The following GPATCH2 variants were observed in gnomAD, a reference collection of about 807,000 sequenced individuals.
The protein encoded by GPATCH2 is G patch domain-containing protein 2.
A neutral mutation model predicts 58.0 loss-of-function variants in GPATCH2; 51 were observed. The ratio of observed to expected loss-of-function variants is 0.88; its 90% CI spans 0.70 to 1.11. The LOEUF (loss-of-function observed/expected upper bound fraction) is 1.11. Among genes scored for constraint, GPATCH2 ranks in the 50% most tolerant of loss-of-function variants. GPATCH2 has a pLI of 0.00. For missense variants in GPATCH2, 625 were observed against 652.2 expected (o/e 0.96, Z 0.45); for synonymous variants, 222 against 218.5 (o/e 1.02, Z -0.14).
intron 5 of GPATCH2, among the ~76,000 whole-genome samples, chr1:217,565,098 T>C (rs1666151011): frequency 6.6e-6 from 1 of 152,212 alleles, no homozygotes; most frequent in Non-Finnish European, 1.5e-5. Flanking sequence ...TAAAAGGTAA[T>C]GCTAATTTGA....
In GPATCH2 at chr1:217,622,717, T is replaced by C. The variant is rs372087939; in HGVS notation, c.57-2218A>G. 1.8e-4 allele frequency among the ~76,000 whole-genome samples: 28 copies of C among 152,334 alleles called. No homozygotes were observed. In the East Asian group the frequency reaches 5.4e-3, roughly 29 times the overall value. ...CGCCACCATGCCCGGCTAATTTTTG[T>C]ATTTTTTAGTAGAGACAGGGTTTCA... is the stretch of plus-strand genomic sequence containing the variant. On this transcript the variant is annotated intron_variant, in intron 1 of 9. Coordinates refer to ENST00000366935, the MANE Select transcript of GPATCH2 (RefSeq NM_018040.5).
chr1:217,541,871 C>A (rs960721458), intron 5 of GPATCH2, among the ~76,000 whole-genome samples: 1 of 151,998 alleles, frequency 6.6e-6, no homozygotes, highest in Non-Finnish European at 1.5e-5. Context: ...CTGAGAACAC[C>A]CAAATTTAGT....
rs562437938 is a variant in GPATCH2 at position 217,533,217 on chromosome 1, TC to T, written c.1099-18329del. Among the ~76,000 whole-genome samples the T allele has an allele frequency of 2.0e-5, 3 of 152,186 alleles. No homozygotes were observed. In the East Asian group the frequency reaches 5.8e-4, roughly 29 times the overall value. On this transcript the variant is annotated intron_variant, in intron 5 of 9. Coordinates refer to ENST00000366935, the MANE Select transcript of GPATCH2 (RefSeq NM_018040.5). ...AACCACCACACCCAGCCTGCTCTTT[TC>T]TTTATAACAGCAATTCTCAAACTTT...
At chr1:217,627,305 G>A (rs944062476) in intron 1 of GPATCH2, among the ~76,000 whole-genome samples, 2 of 151,908 alleles carry the variant, frequency 1.3e-5, no homozygotes, top group African/African-American at 4.8e-5. Context: ...AATCTTGAGG[G>A]TATTATAGTT....
intron 5 of GPATCH2, among the ~76,000 whole-genome samples, chr1:217,580,666 T>C (rs1667031138): frequency 6.6e-6 from 1 of 152,136 alleles, no homozygotes; most frequent in Non-Finnish European, 1.5e-5. Context: ...AACTATCTTC[T>C]CAAGCTTTGC....
chr1:217,439,546 G>A (rs186516262), intron 9 of GPATCH2, among the ~76,000 whole-genome samples: 50 of 151,932 alleles, frequency 3.3e-4, no homozygotes, highest in Non-Finnish European at 2.9e-5. Context: ...AGAGAGATAC[G>A]AAAAACCCTT....
intron 8 of GPATCH2, among the ~76,000 whole-genome samples, chr1:217,454,587 T>TCAA (rs1659846834): frequency 8.2e-5 from 1 of 12,196 alleles, no homozygotes; most frequent in African/African-American, 1.5e-4. Flanking sequence ...AGACTCTGTC[T>TCAA]CAAAAAAAAA....
intron 1 of GPATCH2, among the ~76,000 whole-genome samples, chr1:217,621,822 A>T (rs537353604): frequency 4.6e-5 from 7 of 152,370 alleles, no homozygotes; most frequent in African/African-American, 1.7e-4. Flanking sequence ...TTTGCCATTT[A>T]TAATGTGATG....
chr1:217,431,225 G>T lies in GPATCH2; in HGVS notation c.1507C>A (p.Pro503Thr). ...GGAAATCCAAGTCCTAATCCCTTTG[G>T]CCTCTGCATGGCTTGAATTGGCTCA... ...ISEPIQAMQR[P>T]KGLGLGFPLP... is the part of the protein sequence containing the mutation. The change falls in exon 10 of 10, where the codon CCA becomes ACA. Residue 503 changes from proline to threonine, a missense_variant. Transcript: ENST00000366935. The T allele has an allele frequency of 6.2e-7, 1 of 1,610,912 alleles. No homozygotes were observed. The highest frequency in any genetic ancestry group is 8.5e-7 in the Non-Finnish European group (1 of 1,177,130).
In GPATCH2 at chr1:217,428,478, T is replaced by G. The variant is rs377605247; in HGVS notation, c.*2667A>C. The G allele has an allele frequency of 2.0e-4, 30 of 152,328 alleles. No homozygotes were observed. In the South Asian group the frequency reaches 6.0e-3, roughly 31 times the overall value. The allele number at this position is 152,328 out of a possible 1,614,324, so 9.4% of individuals were successfully genotyped here. On this transcript the variant is annotated 3_prime_UTR_variant, in exon 10 of 10. Coordinates refer to ENST00000366935, the MANE Select transcript of GPATCH2 (RefSeq NM_018040.5). ...GATTTGCACTAAAAAATTCGTATTTTAATTGCGTTTGTTTCTCCAATTAAG... is the reference window on the plus strand; with the variant it reads ...GATTTGCACTAAAAAATTCGTATTTGAATTGCGTTTGTTTCTCCAATTAAG...
At chr1:217,539,665 T>C (rs1664638737) in intron 5 of GPATCH2, among the ~76,000 whole-genome samples, 1 of 152,180 alleles carries the variant, frequency 6.6e-6, no homozygotes, top group Admixed American at 6.5e-5. Flanking sequence ...CTTTTGATCT[T>C]TATAGAATTT....
At chr1:217,543,211 G>A (rs1205928360) in intron 5 of GPATCH2, among the ~76,000 whole-genome samples, 1 of 151,190 alleles carries the variant, frequency 6.6e-6, no homozygotes, top group African/African-American at 2.4e-5. Flanking sequence ...TGGCTCCAGA[G>A]TCAGTTTTAG....
At chr1:217,452,919 T>C (rs761146393) in intron 8 of GPATCH2, among the ~76,000 whole-genome samples, 1 of 152,212 alleles carries the variant, frequency 6.6e-6, no homozygotes, top group Non-Finnish European at 1.5e-5. Context: ...CTACACAGCA[T>C]TGAGAGATCT....
At position 217,447,846 on chromosome 1, in the gene GPATCH2, C is replaced by T. The variant is rs1659460191; in HGVS notation, c.1366+1403G>A. On this transcript the variant is annotated intron_variant, in intron 9 of 9. Coordinates refer to ENST00000366935, the MANE Select transcript of GPATCH2 (RefSeq NM_018040.5). ...GGTGGCTCACGAGCCACCTGTAATC[C>T]CAGCACTCTGTGAGGCCGAGGTGGG... 2.0e-5 allele frequency among the ~76,000 whole-genome samples: 3 copies of T among 152,078 alleles called. No homozygotes were observed. The South Asian group carries it at 6.2e-4, about 32-fold the overall frequency.
intron 8 of GPATCH2, among the ~76,000 whole-genome samples, chr1:217,476,790 A>G (rs1660990658): frequency 6.6e-6 from 1 of 152,174 alleles, no homozygotes; most frequent in African/African-American, 2.4e-5. Context: ...TAAATTTGAA[A>G]GGCAGTCTAT....
At chr1:217,610,805 C>G in intron 4 of GPATCH2, 84 bp downstream of exon 4, 1 of 925,482 alleles carries the variant, frequency 1.1e-6, no homozygotes, top group Non-Finnish European at 1.6e-6. Context: ...TCTCTAATTT[C>G]CACTTTATCT....
At chr1:217,577,424 T>A (rs912789288) in intron 5 of GPATCH2, among the ~76,000 whole-genome samples, 1 of 152,178 alleles carries the variant, frequency 6.6e-6, no homozygotes, top group Non-Finnish European at 1.5e-5. Context: ...GGAAATTACT[T>A]AACCTATGTC....
At chr1:217,589,237 C>G (rs892773090) in intron 5 of GPATCH2, among the ~76,000 whole-genome samples, 1 of 152,110 alleles carries the variant, frequency 6.6e-6, no homozygotes, top group Admixed American at 6.6e-5. Flanking sequence ...AATCTCCAGG[C>G]AGACCACGGC....
At chr1:217,595,782 G>A (rs1436970554) in intron 5 of GPATCH2, among the ~76,000 whole-genome samples, 1 of 152,102 alleles carries the variant, frequency 6.6e-6, no homozygotes, top group Non-Finnish European at 1.5e-5. Context: ...TTACAAGCAT[G>A]AGCCACCGCA....
Sources: gnomAD v4.1 joint callset for allele counts (sites outside exome capture counted in the v4.1 genomes callset) on GRCh38, gnomAD v4.1.1 for gene constraint, MANE v1.5 for transcripts, NCBI Gene and HGNC (gene_info 2026-07-23, HGNC 2026-07-21) for gene names.